The following MTFR2 variants were observed in gnomAD, a reference collection of about 807,000 sequenced individuals.
MTFR2 encodes the protein DUF729 domain-containing protein 1.
In MTFR2, 44 loss-of-function variants were observed where a neutral mutation model predicts 41.2. That is an observed-to-expected ratio of 1.07 (90% CI 0.84 to 1.37). The LOEUF (loss-of-function observed/expected upper bound fraction) is 1.37. Among genes scored for constraint, MTFR2 ranks in the 40% most tolerant of loss-of-function variants. The probability of loss-of-function intolerance (pLI) is 0.00; values close to 1 mark genes in which losing one functional copy is unlikely to be tolerated. For synonymous variants in MTFR2, 141 were observed against 154.6 expected, an observed-to-expected ratio of 0.91 and a Z score of 0.65; for missense variants, 452 against 459.5, an observed-to-expected ratio of 0.98 and a Z score of 0.15.
At chr6:136,248,681 C>A in intron 2 of MTFR2, 1 of 245,736 alleles carries the variant, frequency 4.1e-6, no homozygotes, top group Non-Finnish European at 7.7e-6. Context: ...ATCCTCTTTC[C>A]ATTAGATTTA....
At chr6:136,249,936 T>G (rs1411005172) in intron 1 of MTFR2, 40 bp downstream of exon 1, 1 of 152,098 alleles carries the variant, frequency 6.6e-6, no homozygotes, top group Non-Finnish European at 1.5e-5. Context: ...GTCACAAGCT[T>G]CCTGGTGCTC....
chr6:136,233,235 T>C, intron 7 of MTFR2, 90 bp downstream of exon 7: 1 of 1,149,328 alleles, frequency 8.7e-7, no homozygotes, highest in Non-Finnish European at 1.3e-6. Flanking sequence ...TTCTGCACAA[T>C]TACTTCAAGA....
intron 2 of MTFR2, among the ~76,000 whole-genome samples, chr6:136,246,167 A>C (rs758826634): frequency 3.7e-4 from 56 of 152,180 alleles, no homozygotes; most frequent in Non-Finnish European, 6.6e-4. Context: ...TAGTTAATTT[A>C]AATGATACCT....
intron 6 of MTFR2, among the ~76,000 whole-genome samples, chr6:136,238,261 A>C (rs994447028): frequency 6.6e-6 from 1 of 152,248 alleles, no homozygotes; most frequent in African/African-American, 2.4e-5. Context: ...AAGTGAAATA[A>C]GCCAGTCACA....
chr6:136,232,949 T>A (rs1403598772), intron 7 of MTFR2, among the ~76,000 whole-genome samples: 1 of 152,210 alleles, frequency 6.6e-6, no homozygotes, highest in African/African-American at 2.4e-5. Flanking sequence ...GAGAAAAATC[T>A]TGGCGTATTC....
intron 6 of MTFR2, among the ~76,000 whole-genome samples, chr6:136,237,345 A>C (rs891430861): frequency 6.6e-6 from 1 of 152,256 alleles, no homozygotes; most frequent in Non-Finnish European, 1.5e-5. Context: ...ACAAAACTAA[A>C]GATAGAGATC....
At chr6:136,243,014 G>T in intron 3 of MTFR2, 41 bp from the exon 4 acceptor site, 1 of 1,405,148 alleles carries the variant, frequency 7.1e-7, no homozygotes, top group Non-Finnish European at 9.7e-7. Flanking sequence ...GCTCTGCAGG[G>T]AGTCAGGAGA....
intron 6 of MTFR2, among the ~76,000 whole-genome samples, chr6:136,235,249 C>T (rs775093061): frequency 5.2e-5 from 6 of 115,184 alleles, no homozygotes; most frequent in African/African-American, 2.4e-4. Context: ...ATGCAAAAGA[C>T]GTGGGAAAGA....
Position 136,233,270 on chromosome 6 carries a change from T to C in MTFR2, c.1044+55A>G, listed in dbSNP as rs187463603. 10 of 1,490,010 alleles carry C rather than the reference T, an allele frequency of 6.7e-6. No individual in the cohort carries two copies. The East Asian group carries it at 2.1e-4, about 31-fold the overall frequency. The allele number at this position is 1,490,010 out of a possible 1,614,324, so 92.3% of individuals were successfully genotyped here. On this transcript the variant is annotated intron_variant, in intron 7 of 7. Transcript: ENST00000420702. ...AGAACTTGAACACAAAGCTGTAACA[T>C]AAACAACACATCTGAGAAAAACTGA... is the stretch of plus-strand genomic sequence containing the variant.
In MTFR2 at chr6:136,244,911, A is replaced by C. The variant is rs149212594; in HGVS notation, c.64-42T>G. The C allele has an allele frequency of 4.9e-5, 68 of 1,389,846 alleles. No individual in the cohort carries two copies. The African/African-American group carries it at 7.3e-4, about 15-fold the overall frequency. The allele number at this position is 1,389,846 out of a possible 1,614,324, so 86.1% of individuals were successfully genotyped here. A position where few individuals can be genotyped will look rare whatever the true frequency, so the allele number is the denominator to read the frequency against. On this transcript the variant is annotated intron_variant, in intron 2 of 7. Transcript: ENST00000420702. ...GTATGAATTAAAATGCACTCTGATT[A>C]AGCATATTTATATAAGTATGAAAAA...
In MTFR2 at chr6:136,250,052, G is replaced by A. The variant is rs1451910950; in HGVS notation, c.-131C>T. ...GTTAGGAATCCTCAATCAAATTCCA[G>A]ACTGCGCCACTCCTTGTGCAGATCG... On this transcript the variant is annotated 5_prime_UTR_variant, in exon 1 of 8. Coordinates refer to ENST00000420702, the MANE Select transcript of MTFR2 (RefSeq NM_001099286.3). The A allele has an allele frequency of 6.6e-6, 1 of 152,228 alleles. No individual in the cohort carries two copies. The highest frequency in any genetic ancestry group is 1.5e-5 in the Non-Finnish European group (1 of 68,084). 9.4% of individuals were successfully genotyped at this position (152,228 alleles called of 1,614,324 possible).
chr6:136,233,058 T>C, intron 7 of MTFR2: 1 of 261,004 alleles, frequency 3.8e-6, no homozygotes, highest in Admixed American at 4.9e-5. Context: ...AACATCAAAT[T>C]GGCACCTAAG....
At chr6:136,239,352 G>T (rs1028122860) in intron 6 of MTFR2, 114 bp downstream of exon 6, 1 of 730,380 alleles carries the variant, frequency 1.4e-6, no homozygotes, top group South Asian at 2.1e-5. Context: ...AGGTATTCAG[G>T]GGTGAAGAAG....
rs76131857 is a variant in MTFR2, at chr6:136,232,703, C to G, written c.1044+622G>C. Among the ~76,000 whole-genome samples, 1,091 of 152,254 alleles carry G rather than the reference C, an allele frequency of 7.2e-3. 13 individuals carry two copies. The highest frequency in any genetic ancestry group is 0.024 in the African/African-American group (1,009 of 41,534). On this transcript the variant is annotated intron_variant, in intron 7 of 7. Coordinates refer to ENST00000420702, the MANE Select transcript of MTFR2 (RefSeq NM_001099286.3). ...GGCTTATTCTTATGTGTTAATACTA[C>G]CTCAACTAAATTAAGACATGTGAAA...
intron 5 of MTFR2, among the ~76,000 whole-genome samples, chr6:136,240,820 G>T (rs565459244): frequency 1.3e-5 from 2 of 152,136 alleles, no homozygotes; most frequent in African/African-American, 2.4e-5. Context: ...GGCCGGGCGC[G>T]GTGGCTCACG....
chr6:136,241,788 C>G, intron 4 of MTFR2, 112 bp from the exon 5 acceptor site: 1 of 853,026 alleles, frequency 1.2e-6, no homozygotes, highest in South Asian at 1.8e-5. Context: ...AAAATAAAAG[C>G]TACTCTCAGG....
chr6:136,241,949 G>T (rs555784190), intron 4 of MTFR2, among the ~76,000 whole-genome samples: 1 of 151,560 alleles, frequency 6.6e-6, no homozygotes, highest in Non-Finnish European at 1.5e-5. Flanking sequence ...GTGTGATGAC[G>T]TGCCCCTGTA....
rs1684885754 is a variant in MTFR2 at position 136,244,883 on chromosome 6, A to G, written c.64-14T>C. On this transcript the variant is annotated splice_polypyrimidine_tract_variant and intron_variant, in intron 2 of 7. Transcript: ENST00000420702. ...AATCAGCAAAACCTATTTTAAACAT[A>G]AAGTATGAATTAAAATGCACTCTGA... 2 of 1,555,212 alleles carry G rather than the reference A, an allele frequency of 1.3e-6. No individual in the cohort carries two copies. Among genetic ancestry groups the G allele is most frequent in the African/African-American group, 1.4e-5 (1 of 73,542 alleles).
chr6:136,240,886 T>A (rs191303980), intron 5 of MTFR2, among the ~76,000 whole-genome samples: 1 of 152,154 alleles, frequency 6.6e-6, no homozygotes. Flanking sequence ...GGTCAGGAGA[T>A]CGAGACCATC....
Sources: allele counts gnomAD v4.1 joint callset (sites outside exome capture counted in the v4.1 genomes callset), GRCh38; gene constraint gnomAD v4.1.1; transcripts MANE v1.5; gene names NCBI Gene and HGNC (gene_info 2026-07-23, HGNC 2026-07-21).